BNC2: variants seen among roughly 807,000 people sequenced by gnomAD.
BNC2 encodes basonuclin zinc finger protein 2, also known as zinc finger protein basonuclin-2.
A neutral mutation model predicts 76.3 loss-of-function variants in BNC2; 20 were observed. The observed-to-expected ratio is 0.26, with a 90% confidence interval of 0.18 to 0.38. The LOEUF is 0.38. BNC2 is among the 10% of genes least tolerant of loss of function. The pLI, the probability that BNC2 is intolerant of heterozygous loss-of-function variation, is 1.00. For synonymous variants in BNC2, 582 were observed against 514.8 expected (o/e 1.13, Z -1.77); for missense variants, 1,382 against 1,399.8 (o/e 0.99, Z 0.20).
chr9:16,461,131 G>T (rs1821570260), intron 5 of BNC2, among the ~76,000 whole-genome samples: 1 of 152,124 alleles, frequency 6.6e-6, no homozygotes, highest in South Asian at 2.1e-4. Flanking sequence ...AACATGCAGG[G>T]ATAAGATTCT....
At chr9:16,468,852 T>A (rs190973999) in intron 5 of BNC2, among the ~76,000 whole-genome samples, 1 of 152,296 alleles carries the variant, frequency 6.6e-6, no homozygotes, top group East Asian at 1.9e-4. Flanking sequence ...CTGAGGTGCA[T>A]ACTCATATAC....
At position 16,508,447 on chromosome 9, in the gene BNC2, AC is replaced by A. The variant is rs142310998; in HGVS notation, c.669+44082del. On this transcript the variant is annotated intron_variant, in intron 5 of 6. Coordinates refer to ENST00000380672, the MANE Select transcript of BNC2 (RefSeq NM_017637.6). ...CTCACTATTAATGCTCAGTAAAAAAACATCATAATTCTTGTTGATTCTCTCC... is the reference window on the plus strand; with the variant it reads ...CTCACTATTAATGCTCAGTAAAAAAAATCATAATTCTTGTTGATTCTCTCC... Among the ~76,000 whole-genome samples the A allele has an allele frequency of 8.3e-4, 127 of 152,338 alleles. 1 individual carries two copies. The East Asian group carries it at 0.022, about 26-fold the overall frequency.
chr9:16,801,720 C>T (rs1364070144), intron 1 of BNC2, among the ~76,000 whole-genome samples: 1 of 73,912 alleles, frequency 1.4e-5, no homozygotes, highest in African/African-American at 4.8e-5. Flanking sequence ...TTCTAAGACA[C>T]CCCCTTAAAT....
chr9:16,457,136 T>A (rs566086770), intron 5 of BNC2, among the ~76,000 whole-genome samples: 1 of 152,330 alleles, frequency 6.6e-6, no homozygotes, highest in East Asian at 1.9e-4. Context: ...GCCTACCTGA[T>A]TACATTATAT....
At chr9:16,676,365 G>A (rs995830136) in intron 3 of BNC2, among the ~76,000 whole-genome samples, 3 of 152,022 alleles carry the variant, frequency 2.0e-5, no homozygotes, top group Admixed American at 1.3e-4. Context: ...AAACACAAAC[G>A]CGTAATTCTA....
chr9:16,478,024 T>A (rs1028230622), intron 5 of BNC2, among the ~76,000 whole-genome samples: 1 of 151,966 alleles, frequency 6.6e-6, no homozygotes, highest in Admixed American at 6.6e-5. Context: ...ATGACAGGAG[T>A]AGTCAGGCAG....
In BNC2 at chr9:16,691,509, T is replaced by TC. The variant is rs911868721; in HGVS notation, c.330+36287_330+36288insG. Among the ~76,000 whole-genome samples, 3 of 29,658 alleles carry TC rather than the reference T, an allele frequency of 1.0e-4. No homozygotes were observed. The Non-Finnish European group carries it at 1.0e-3, about 10-fold the overall frequency. 19.5% of individuals were successfully genotyped at this position (29,658 alleles called of 152,430 possible). ...TCCACGGATGGGTATGGGTTCTTTTTTTTTTTTTTTTTTTTTTTGAAACAG... is the reference window on the plus strand; with the variant it reads ...TCCACGGATGGGTATGGGTTCTTTTTCTTTTTTTTTTTTTTTTTTGAAACAG... On this transcript the variant is annotated intron_variant, in intron 3 of 6. Coordinates refer to ENST00000380672, the MANE Select transcript of BNC2 (RefSeq NM_017637.6).
intron 1 of BNC2, among the ~76,000 whole-genome samples, chr9:16,801,374 T>G (rs1349587919): frequency 6.6e-6 from 1 of 151,632 alleles, no homozygotes; most frequent in African/African-American, 2.4e-5. Flanking sequence ...GCCTGCCGAG[T>G]AGCTGGGACG....
chr9:16,486,954 C>T (rs2131587828), intron 5 of BNC2, among the ~76,000 whole-genome samples: 1 of 152,260 alleles, frequency 6.6e-6, no homozygotes, highest in Admixed American at 6.5e-5. Context: ...TGCAGTCCTC[C>T]CATCTTGGCC....
intron 3 of BNC2, among the ~76,000 whole-genome samples, chr9:16,702,820 C>G (rs917191145): frequency 2.5e-4 from 38 of 152,058 alleles, no homozygotes; most frequent in African/African-American, 8.5e-4. Flanking sequence ...TGTCCTTTTC[C>G]CCATTTTAAA....
chr9:16,592,663 G>A (rs936535718), intron 3 of BNC2, among the ~76,000 whole-genome samples: 4 of 152,158 alleles, frequency 2.6e-5, no homozygotes, highest in African/African-American at 9.7e-5. Context: ...TGTATGGTAA[G>A]TGAAACATAT....
At chr9:16,778,590 C>T (rs577840876) in intron 1 of BNC2, among the ~76,000 whole-genome samples, 1 of 152,304 alleles carries the variant, frequency 6.6e-6, no homozygotes, top group Non-Finnish European at 1.5e-5. Context: ...AAGGTAGCAT[C>T]TGTATTTTGC....
intron 3 of BNC2, among the ~76,000 whole-genome samples, chr9:16,683,112 C>G (rs1822872540): frequency 6.6e-6 from 1 of 152,100 alleles, no homozygotes; most frequent in African/African-American, 2.4e-5. Context: ...AGCAGAAGTC[C>G]TTGCAAAAGT....
rs143041098 is a variant in BNC2, at chr9:16,474,507, G to A, written c.670-36983C>T. 6.9e-3 allele frequency among the ~76,000 whole-genome samples: 1,046 copies of A among 152,226 alleles called. 10 individuals are homozygous for A. The highest frequency in any genetic ancestry group is 0.024 in the African/African-American group (983 of 41,542). ...AGGAGGTGACAAAGAGGAGAGCATG[G>A]GAGATGAACCCTCAATATTGCACCC... is the stretch of plus-strand genomic sequence containing the variant. On this transcript the variant is annotated intron_variant, in intron 5 of 6. Transcript: ENST00000380672.
chr9:16,542,327 A>G (rs779133380), intron 5 of BNC2, among the ~76,000 whole-genome samples: 4 of 152,178 alleles, frequency 2.6e-5, no homozygotes, highest in Non-Finnish European at 5.9e-5. Context: ...TACTATAGCC[A>G]TGCAAGTCCC....
chr9:16,828,407 C>T (rs1057258782), intron 1 of BNC2, among the ~76,000 whole-genome samples: 11 of 152,306 alleles, frequency 7.2e-5, no homozygotes, highest in African/African-American at 2.6e-4. Context: ...ATAAACCCTT[C>T]CCATGAAATG....
chr9:16,451,091 C>T (rs962505354), intron 5 of BNC2, among the ~76,000 whole-genome samples: 5 of 151,960 alleles, frequency 3.3e-5, no homozygotes, highest in Non-Finnish European at 7.4e-5. Flanking sequence ...GATTTCGTTG[C>T]CTTTTTACCT....
At chr9:16,434,643 C>A (rs1408743103) in intron 6 of BNC2, among the ~76,000 whole-genome samples, 2 of 152,134 alleles carry the variant, frequency 1.3e-5, no homozygotes, top group African/African-American at 4.8e-5. Flanking sequence ...ACCACCTTGA[C>A]ACATTCCATT....
intron 1 of BNC2, among the ~76,000 whole-genome samples, chr9:16,847,417 G>C (rs1819016053): frequency 1.4e-5 from 1 of 71,956 alleles, no homozygotes. Context: ...GGGGGGGGCG[G>C]CGGGCAACAA....
Sources: allele counts gnomAD v4.1 joint callset (sites outside exome capture counted in the v4.1 genomes callset), GRCh38; gene constraint gnomAD v4.1.1; transcripts MANE v1.5; gene names NCBI Gene and HGNC (gene_info 2026-07-23, HGNC 2026-07-21).